Variants in KATNAL1 observed in about 807,000 individuals in gnomAD.
KATNAL1 encodes the protein katanin catalytic subunit A1 like 1, also known as katanin p60 ATPase-containing subunit A-like 1.
Under a neutral mutation model 55.2 loss-of-function variants are expected in KATNAL1, and 32 were observed. The ratio of observed to expected loss-of-function variants is 0.58; its 90% CI spans 0.44 to 0.78. The LOEUF is 0.78. KATNAL1 is among the 30% of genes least tolerant of loss of function. The probability of loss-of-function intolerance (pLI) is 0.00; values close to 1 mark genes in which losing one functional copy is unlikely to be tolerated. For synonymous variants in KATNAL1, 193 were observed against 193.6 expected, an observed-to-expected ratio of 1.00 and a Z score of 0.02; for missense variants, 466 against 600.9, an observed-to-expected ratio of 0.78 and a Z score of 2.35.
chr13:30,218,211 T>TAC lies in KATNAL1; in HGVS notation c.1148-7770_1148-7769insGT, dbSNP rs1340136920. Among the ~76,000 whole-genome samples the TAC allele has an allele frequency of 8.3e-4, 113 of 136,066 alleles. 1 individual carries two copies. Among genetic ancestry groups the TAC allele is most frequent in the Middle Eastern group, 3.8e-3 (1 of 266 alleles). 89.3% of individuals were successfully genotyped at this position (136,066 alleles called of 152,430 possible). A position where few individuals can be genotyped will look rare whatever the true frequency, so the allele number is the denominator to read the frequency against. On this transcript the variant is annotated intron_variant, in intron 9 of 10. Transcript: ENST00000380615. ...GTGAACTTGCAGTAAAAGGAATATA[T>TAC]ATATATATATATATATAAAGGACCT...
chr13:30,279,175 G>C (rs1310480300), intron 3 of KATNAL1, among the ~76,000 whole-genome samples: 1 of 152,156 alleles, frequency 6.6e-6, no homozygotes, highest in East Asian at 1.9e-4. Context: ...CATGATTAGG[G>C]CCTCTCAGGC....
intron 9 of KATNAL1, among the ~76,000 whole-genome samples, chr13:30,226,231 G>T (rs1395599699): frequency 6.6e-6 from 1 of 152,064 alleles, no homozygotes; most frequent in Non-Finnish European, 1.5e-5. Flanking sequence ...TCCTATAAAA[G>T]CTAAACATAT....
chr13:30,269,731 TGA>T (rs1880109205), intron 3 of KATNAL1, among the ~76,000 whole-genome samples: 1 of 144,644 alleles, frequency 6.9e-6, no homozygotes, highest in South Asian at 2.2e-4. Context: ...CCGCCCCGTC[TGA>T]GAAGAGAGGA....
At position 30,239,043 on chromosome 13, in the gene KATNAL1, A is replaced by G. The variant is rs114580124; in HGVS notation, c.726+1417T>C. Among the ~76,000 whole-genome samples, 690 of 152,312 alleles carry G rather than the reference A, an allele frequency of 4.5e-3. 9 individuals are homozygous for G. The highest frequency in any genetic ancestry group is 0.016 in the African/African-American group (650 of 41,562). On this transcript the variant is annotated intron_variant, in intron 6 of 10. Coordinates refer to ENST00000380615, the MANE Select transcript of KATNAL1 (RefSeq NM_032116.5). ...CTCATTCCAGTTCTGAAATTCTGGA[A>G]TTTACATTTTGAGACCAATTTTAGA...
intron 10 of KATNAL1, among the ~76,000 whole-genome samples, chr13:30,209,441 T>C (rs929258936): frequency 3.9e-5 from 6 of 152,206 alleles, no homozygotes; most frequent in African/African-American, 1.4e-4. Flanking sequence ...TAAACTTGGA[T>C]GCACATGGGA....
intron 4 of KATNAL1, among the ~76,000 whole-genome samples, chr13:30,245,580 AG>A (rs745461716): frequency 4.6e-5 from 7 of 152,212 alleles, no homozygotes; most frequent in Non-Finnish European, 7.3e-5. Flanking sequence ...AAAGAAATAA[AG>A]GGGATTCAAA....
intron 9 of KATNAL1, among the ~76,000 whole-genome samples, chr13:30,219,680 T>C (rs1874652399): frequency 6.6e-6 from 1 of 152,210 alleles, no homozygotes; most frequent in Admixed American, 6.5e-5. Flanking sequence ...TTATAATTAT[T>C]GGTTTGGGAG....
At chr13:30,268,218 A>C (rs846489) in intron 3 of KATNAL1, among the ~76,000 whole-genome samples, 137,638 of 152,204 alleles carry the variant, frequency 0.9, 62,285 homozygotes, top group East Asian at 0.96. Context: ...AGGAGTGACA[A>C]CTTCTTCCAA....
chr13:30,306,564 C>T (rs1289400925), intron 1 of KATNAL1: 1 of 152,138 alleles, frequency 6.6e-6, no homozygotes, highest in African/African-American at 2.4e-5. Context: ...GCAATGACAT[C>T]TTTTTATCTA....
Position 30,208,605 on chromosome 13 carries a change from T to C in KATNAL1, c.1408A>G (p.Lys470Glu). 6.2e-7 allele frequency: 1 copy of C among 1,613,648 alleles called. No individual in the cohort carries two copies. The highest frequency in any genetic ancestry group is 8.5e-7 in the Non-Finnish European group (1 of 1,179,796). ...DFELALKKIAKSVSAADLEKY... is the reference protein window; with the variant it reads ...DFELALKKIAESVSAADLEKY... ...TCCAAGTCTGCAGCAGAGACAGACT[T>C]AGCAATTTTCTTTAGGGCCAATTCA... The change falls in exon 11 of 11, where the codon AAG becomes GAG. Residue 470 changes from lysine (K) to glutamate (E), a missense_variant. Lys to Glu is a moderately conservative substitution (Grantham distance 56). Transcript: ENST00000380615.
intron 6 of KATNAL1, among the ~76,000 whole-genome samples, chr13:30,238,341 G>A (rs1266792346): frequency 6.6e-6 from 1 of 152,154 alleles, no homozygotes; most frequent in African/African-American, 2.4e-5. Flanking sequence ...GAGTCATGGA[G>A]ATGTTTCATA....
At chr13:30,255,739 C>T (rs1404926623) in intron 3 of KATNAL1, 124 bp from the exon 4 acceptor site, 2 of 972,174 alleles carry the variant, frequency 2.1e-6, no homozygotes, top group Non-Finnish European at 2.7e-6. Flanking sequence ...AATTTTTTCA[C>T]CTTTGGCCAA....
At chr13:30,225,411 A>T (rs1875355411) in intron 9 of KATNAL1, among the ~76,000 whole-genome samples, 1 of 152,210 alleles carries the variant, frequency 6.6e-6, no homozygotes. Flanking sequence ...AAATAGACAA[A>T]TTATTTGAAA....
intron 9 of KATNAL1, among the ~76,000 whole-genome samples, chr13:30,220,884 G>A (rs1485310755): frequency 6.6e-6 from 1 of 151,568 alleles, no homozygotes; most frequent in Non-Finnish European, 1.5e-5. Flanking sequence ...ATGTTTAATA[G>A]AGACAGGGTT....
intron 3 of KATNAL1, among the ~76,000 whole-genome samples, chr13:30,264,001 C>T (rs1237003636): frequency 6.7e-6 from 1 of 148,462 alleles, no homozygotes; most frequent in Non-Finnish European, 1.5e-5. Context: ...GTAACCAAAA[C>T]AGCATGGTAC....
At chr13:30,239,158 C>T (rs1221028763) in intron 6 of KATNAL1, among the ~76,000 whole-genome samples, 1 of 151,990 alleles carries the variant, frequency 6.6e-6, no homozygotes, top group Non-Finnish European at 1.5e-5. Flanking sequence ...GCTTGTAATC[C>T]CAGCACTTCG....
At chr13:30,282,034 TAAAA>T (rs57103799) in intron 2 of KATNAL1, among the ~76,000 whole-genome samples, 1 of 149,160 alleles carries the variant, frequency 6.7e-6, no homozygotes, top group African/African-American at 2.4e-5. Context: ...GTATTATTTG[TAAAA>T]AAAAAAAAAA....
chr13:30,235,845 T>TC (rs1876605491), intron 6 of KATNAL1, among the ~76,000 whole-genome samples: 1 of 148,542 alleles, frequency 6.7e-6, no homozygotes, highest in African/African-American at 2.5e-5. Flanking sequence ...AACGTTTGAT[T>TC]CCCAAAAAAA....
chr13:30,273,330 C>T (rs1479418983), intron 3 of KATNAL1, among the ~76,000 whole-genome samples: 1 of 152,182 alleles, frequency 6.6e-6, no homozygotes, highest in Non-Finnish European at 1.5e-5. Context: ...TACCATTTCA[C>T]CAAAACTGTG....
Sources: allele counts gnomAD v4.1 joint callset (sites outside exome capture counted in the v4.1 genomes callset), GRCh38; gene constraint gnomAD v4.1.1; transcripts MANE v1.5; gene names NCBI Gene and HGNC (gene_info 2026-07-23, HGNC 2026-07-21).